GATAD2A: variants seen among roughly 807,000 people sequenced by gnomAD.
GATAD2A encodes the protein GATA zinc finger domain containing 2A.
In GATAD2A, 12 loss-of-function variants were observed where a neutral mutation model predicts 68.5. That is an observed-to-expected ratio of 0.18 (90% confidence interval 0.11 to 0.28). The LOEUF (loss-of-function observed/expected upper bound fraction) is 0.28, where lower values mean the gene tolerates loss of function less well. GATAD2A is among the 10% of genes least tolerant of loss of function. GATAD2A has a pLI of 1.00. For missense variants in GATAD2A, 755 were observed against 868.5 expected, an observed-to-expected ratio of 0.87 and a Z score of 1.64; for synonymous variants, 410 against 375.3, an observed-to-expected ratio of 1.09 and a Z score of -1.07.
chr19:19,477,925 C>A (rs147046101), intron 2 of GATAD2A, among the ~76,000 whole-genome samples: 3 of 152,166 alleles, frequency 2.0e-5, no homozygotes, highest in African/African-American at 7.2e-5. Flanking sequence ...GGGCGTCGCC[C>A]GCTTTCTGTG....
At chr19:19,408,873 G>A (rs551799952) in intron 1 of GATAD2A, among the ~76,000 whole-genome samples, 3 of 152,302 alleles carry the variant, frequency 2.0e-5, no homozygotes, top group Admixed American at 2.0e-4. Flanking sequence ...ACAAGAAGGG[G>A]GACCCTCTTG....
chr19:19,496,916 A>G (rs2060193042), intron 7 of GATAD2A, among the ~76,000 whole-genome samples: 1 of 151,964 alleles, frequency 6.6e-6, no homozygotes, highest in Admixed American at 6.5e-5. Context: ...CACCCTCCTC[A>G]GACAAGAGCA....
At chr19:19,420,331 CTTT>C (rs1184441572) in intron 1 of GATAD2A, among the ~76,000 whole-genome samples, 1 of 86,062 alleles carries the variant, frequency 1.2e-5, no homozygotes, top group African/African-American at 4.6e-5. Context: ...CCCATCTTGA[CTTT>C]TTTTTTTTTT....
intron 11 of GATAD2A, 31 bp from the exon 12 acceptor site, chr19:19,505,313 C>A: frequency 6.2e-7 from 1 of 1,609,938 alleles, no homozygotes; most frequent in Non-Finnish European, 8.5e-7. Flanking sequence ...TGACGAGGGC[C>A]TTCTCAGCTG....
chr19:19,501,774 T>C (rs1388129969), intron 9 of GATAD2A, among the ~76,000 whole-genome samples, 195 bp from the exon 10 acceptor site: 7 of 152,248 alleles, frequency 4.6e-5, no homozygotes, highest in Non-Finnish European at 8.8e-5. Context: ...CACCCTCTTG[T>C]AGACTCGAAG....
intron 1 of GATAD2A, among the ~76,000 whole-genome samples, chr19:19,416,245 G>C (rs1473312362): frequency 6.6e-6 from 1 of 152,242 alleles, no homozygotes; most frequent in Non-Finnish European, 1.5e-5. Context: ...CTGGGCTCCA[G>C]TGGTTGACTG....
At chr19:19,505,208 T>G (rs923765770) in intron 11 of GATAD2A, 136 bp from the exon 12 acceptor site, 3 of 700,882 alleles carry the variant, frequency 4.3e-6, no homozygotes, top group African/African-American at 3.7e-5. Flanking sequence ...GATTGAGGAG[T>G]AGTGTGGGTG....
chr19:19,472,939 A>G (rs2058420272), intron 2 of GATAD2A, among the ~76,000 whole-genome samples: 1 of 152,144 alleles, frequency 6.6e-6, no homozygotes, highest in Admixed American at 6.6e-5. Context: ...TTATGCAGCT[A>G]TTTTTTTGGA....
At chr19:19,492,829 C>A in intron 4 of GATAD2A, 117 bp downstream of exon 4, 1 of 920,644 alleles carries the variant, frequency 1.1e-6, no homozygotes, top group Non-Finnish European at 1.7e-6. Flanking sequence ...GAGTATAGGG[C>A]AAGGTCCCAC....
chr19:19,455,358 C>A (rs1746771091), intron 1 of GATAD2A, among the ~76,000 whole-genome samples: 1 of 151,928 alleles, frequency 6.6e-6, no homozygotes, highest in South Asian at 2.1e-4. Flanking sequence ...GGCGTGGTGG[C>A]ATGTGCCTGT....
In GATAD2A at chr19:19,505,776, G is replaced by A. The variant is rs2060841266; in HGVS notation, c.*302G>A. The stretch of plus-strand genomic sequence containing the variant: ...GACACCAGCAGAAAAGTGGACCTTG[G>A]GGGCTGGTTCTGCTCCTGGCCCCCT... On this transcript the variant is annotated 3_prime_UTR_variant, in exon 12 of 12. Coordinates refer to ENST00000683918, the MANE Select transcript of GATAD2A (RefSeq NM_001384528.1). The A allele has an allele frequency of 2.2e-6, 1 of 464,288 alleles. No individual in the cohort carries two copies. The highest frequency in any genetic ancestry group is 3.8e-6 in the Non-Finnish European group (1 of 266,532). 28.8% of individuals were successfully genotyped at this position (464,288 alleles called of 1,614,324 possible).
intron 2 of GATAD2A, among the ~76,000 whole-genome samples, chr19:19,487,449 T>G: frequency 7.3e-6 from 1 of 136,620 alleles, no homozygotes; most frequent in South Asian, 2.5e-4. Flanking sequence ...TGGGGTGGGG[T>G]GCCGTGCAGG....
At chr19:19,491,412 G>A (rs750879179) in intron 2 of GATAD2A, among the ~76,000 whole-genome samples, 2 of 152,172 alleles carry the variant, frequency 1.3e-5, no homozygotes, top group South Asian at 2.1e-4. Flanking sequence ...TCCCCAGACC[G>A]TGGCAAATTC....
In GATAD2A at chr19:19,507,251, C is replaced by CAAAAAA. The variant is rs35542121; in HGVS notation, c.*1789_*1794dup. The stretch of plus-strand genomic sequence containing the variant: ...GGAGGGGAGGGTGTGTTTTTTACAC[C>CAAAAAA]AAAAAAAAAAAAAAAAATCAAGAGT... On this transcript the variant is annotated 3_prime_UTR_variant, in exon 12 of 12. Transcript: ENST00000683918. 4.5e-5 allele frequency: 5 copies of CAAAAAA among 112,312 alleles called. No homozygotes were observed. Among genetic ancestry groups the CAAAAAA allele is most frequent in the African/African-American group, 1.7e-4 (5 of 29,050 alleles). The allele number at this position is 112,312 out of a possible 1,614,324, so 7.0% of individuals were successfully genotyped here. A position where few individuals can be genotyped will look rare whatever the true frequency, so the allele number is the denominator to read the frequency against.
In GATAD2A at chr19:19,498,671, A is replaced by G. The variant is rs1302914328; in HGVS notation, c.1153A>G (p.Ile385Val). The change falls in exon 8 of 12, where the codon ATC becomes GTC. Residue 385 changes from isoleucine (I) to valine (V), a missense_variant. Ile to Val is a conservative substitution (Grantham distance 29, BLOSUM62 3). Coordinates refer to ENST00000683918, the MANE Select transcript of GATAD2A (RefSeq NM_001384528.1). ...FLPSAANNEFIYLVGLEEVVQ... is the reference protein window; with the variant it reads ...FLPSAANNEFVYLVGLEEVVQ... ...GCCCAGCGCCGCCAACAACGAGTTC[A>G]TCTACCTGGTCGGCCTGGAGGAGGT... The G allele has an allele frequency of 5.0e-6, 8 of 1,613,898 alleles. No homozygotes were observed. In the Admixed American group the frequency reaches 1.3e-4, roughly 27 times the overall value.
In GATAD2A at chr19:19,459,369, T is replaced by C. The variant is rs192836899; in HGVS notation, c.-6-5971T>C. ...TTTCAGTTTTTTCCCTATATACACC[T>C]TTTTTTTTTTTTTAAACCATGTAAA... is the stretch of plus-strand genomic sequence containing the variant. On this transcript the variant is annotated intron_variant, in intron 1 of 11. Coordinates refer to ENST00000683918, the MANE Select transcript of GATAD2A (RefSeq NM_001384528.1). Among the ~76,000 whole-genome samples, 570 of 138,004 alleles carry C rather than the reference T, an allele frequency of 4.1e-3. 4 individuals carry two copies. Among genetic ancestry groups the C allele is most frequent in the African/African-American group, 0.015 (535 of 36,214 alleles). 90.5% of individuals were successfully genotyped at this position (138,004 alleles called of 152,430 possible).
chr19:19,455,055 T>C (rs1018030601), intron 1 of GATAD2A, among the ~76,000 whole-genome samples: 9 of 152,100 alleles, frequency 5.9e-5, no homozygotes, highest in Admixed American at 1.3e-4. Flanking sequence ...CAACCGTGGA[T>C]TGAAAATATT....
At chr19:19,457,856 C>T (rs2057077609) in intron 1 of GATAD2A, among the ~76,000 whole-genome samples, 1 of 152,142 alleles carries the variant, frequency 6.6e-6, no homozygotes, top group Non-Finnish European at 1.5e-5. Flanking sequence ...GGACTTTCAC[C>T]CAGCCAGACT....
chr19:19,481,695 C>T (rs748846092), intron 2 of GATAD2A, among the ~76,000 whole-genome samples: 22 of 152,308 alleles, frequency 1.4e-4, no homozygotes, highest in Non-Finnish European at 2.8e-4. Context: ...TGATAGAGTC[C>T]GAGGGCCACA....
Sources: gnomAD v4.1 joint callset for allele counts (sites outside exome capture counted in the v4.1 genomes callset) on GRCh38, gnomAD v4.1.1 for gene constraint, MANE v1.5 for transcripts, NCBI Gene and HGNC (gene_info 2026-07-23, HGNC 2026-07-21) for gene names.